The following CTNNBL1 variants were observed in gnomAD, a reference collection of about 807,000 sequenced individuals.
CTNNBL1 encodes the protein catenin beta like 1.
Under a neutral mutation model 72.7 loss-of-function variants are expected in CTNNBL1, and 31 were observed. The ratio of observed to expected loss-of-function variants is 0.43; its 90% CI spans 0.32 to 0.58. The LOEUF is 0.58. Among genes scored for constraint, CTNNBL1 ranks in the 20% least tolerant of loss-of-function variants. The pLI, the probability that CTNNBL1 is intolerant of heterozygous loss-of-function variation, is 0.08. For missense variants in CTNNBL1, 534 were observed against 725.1 expected (o/e 0.74, Z 3.03); for synonymous variants, 240 against 267.3 (o/e 0.90, Z 1.00).
chr20:37,748,209 T>C (rs61378817), intron 4 of CTNNBL1, among the ~76,000 whole-genome samples: 2,488 of 152,352 alleles, frequency 0.016, 63 homozygotes, highest in African/African-American at 0.058. Flanking sequence ...CGTGTCTGAC[T>C]AAGTTCTTGC....
chr20:37,773,444 T>C (rs1214801179), intron 7 of CTNNBL1, among the ~76,000 whole-genome samples: 1 of 152,222 alleles, frequency 6.6e-6, no homozygotes, highest in Admixed American at 6.5e-5. Context: ...TATGCATGAC[T>C]CTATAATTAC....
At chr20:37,823,683 T>G (rs1182364429) in intron 11 of CTNNBL1, among the ~76,000 whole-genome samples, 1 of 152,206 alleles carries the variant, frequency 6.6e-6, no homozygotes, top group African/African-American at 2.4e-5. Context: ...AAAGCAGGCA[T>G]CCAGGGAGGA....
chr20:37,842,928 C>T (rs1443986395), intron 13 of CTNNBL1, among the ~76,000 whole-genome samples: 1 of 152,232 alleles, frequency 6.6e-6, no homozygotes, highest in Admixed American at 6.5e-5. Context: ...AGCCAAACCG[C>T]AGGTTCTGAA....
chr20:37,803,885 G>A (rs2071928626), intron 11 of CTNNBL1, among the ~76,000 whole-genome samples: 1 of 151,968 alleles, frequency 6.6e-6, no homozygotes, highest in South Asian at 2.1e-4. Flanking sequence ...AGTGCTTGGT[G>A]GAATTGGCAT....
intron 13 of CTNNBL1, among the ~76,000 whole-genome samples, chr20:37,848,929 C>T (rs201564015): frequency 1.3e-5 from 2 of 152,202 alleles, no homozygotes; most frequent in East Asian, 1.9e-4. Context: ...TCTGACTTAG[C>T]GAGTCCAAAA....
At chr20:37,830,638 G>A (rs1332408511) in intron 11 of CTNNBL1, among the ~76,000 whole-genome samples, 1 of 152,110 alleles carries the variant, frequency 6.6e-6, no homozygotes, top group South Asian at 2.1e-4. Context: ...GCTCCTCAAC[G>A]TACCATGGGG....
At chr20:37,801,889 A>G (rs2073826452) in intron 10 of CTNNBL1, among the ~76,000 whole-genome samples, 1 of 152,272 alleles carries the variant, frequency 6.6e-6, no homozygotes, top group African/African-American at 2.4e-5. Flanking sequence ...AAGCATCTAT[A>G]TTAGAAAGGA....
At chr20:37,866,176 G>A (rs911432347) in intron 15 of CTNNBL1, among the ~76,000 whole-genome samples, 5 of 152,230 alleles carry the variant, frequency 3.3e-5, no homozygotes, top group Admixed American at 6.5e-5. Flanking sequence ...AGGCTCAGAG[G>A]CATCTTAAGG....
At chr20:37,729,662 G>A (rs1362608923) in intron 1 of CTNNBL1, among the ~76,000 whole-genome samples, 1 of 152,080 alleles carries the variant, frequency 6.6e-6, no homozygotes, top group Non-Finnish European at 1.5e-5. Flanking sequence ...AATCAGAATC[G>A]CAGCAGGGCT....
rs6021033 is a variant in CTNNBL1, at chr20:37,804,863, A to C, written c.1213+1815A>C. Among the ~76,000 whole-genome samples the C allele has an allele frequency of 3.1e-3, 465 of 152,322 alleles. 5 individuals carry two copies. The highest frequency in any genetic ancestry group is 0.01 in the African/African-American group (416 of 41,568). ...GTAACAGTCCATTTGCTTTAGAGTA[A>C]CCGCATTAGGCATGTGATAACATTA... On this transcript the variant is annotated intron_variant, in intron 11 of 15. Transcript: ENST00000361383.
At chr20:37,816,148 T>C (rs1301336022) in intron 11 of CTNNBL1, among the ~76,000 whole-genome samples, 4 of 152,218 alleles carry the variant, frequency 2.6e-5, no homozygotes, top group African/African-American at 9.6e-5. Context: ...GAACATTGTT[T>C]CCAGGTAGCC....
chr20:37,791,936 T>C (rs918107928), intron 10 of CTNNBL1, among the ~76,000 whole-genome samples: 7 of 152,240 alleles, frequency 4.6e-5, no homozygotes, highest in African/African-American at 1.4e-4. Context: ...CTTACAGATA[T>C]TTTCTCCCAG....
intron 1 of CTNNBL1, among the ~76,000 whole-genome samples, chr20:37,710,947 C>T (rs1229452190): frequency 6.6e-6 from 1 of 152,174 alleles, no homozygotes; most frequent in African/African-American, 2.4e-5. Flanking sequence ...CCAACACACA[C>T]ACCAGTTTCT....
intron 6 of CTNNBL1, among the ~76,000 whole-genome samples, chr20:37,765,515 A>G (rs2073459340): frequency 6.6e-6 from 1 of 152,228 alleles, no homozygotes; most frequent in South Asian, 2.1e-4. Context: ...TAAGTAGGTA[A>G]CCTTCCTAAA....
At chr20:37,839,892 G>C (rs1369190621) in intron 11 of CTNNBL1, among the ~76,000 whole-genome samples, 1 of 152,142 alleles carries the variant, frequency 6.6e-6, no homozygotes, top group Non-Finnish European at 1.5e-5. Flanking sequence ...TGTCCTTGAG[G>C]ATCTCATCTC....
At chr20:37,737,633 A>G in intron 3 of CTNNBL1, 149 bp downstream of exon 3, 1 of 594,180 alleles carries the variant, frequency 1.7e-6, no homozygotes, top group Admixed American at 2.9e-5. Flanking sequence ...AAGGACTCCC[A>G]GGACTCAAAG....
intron 6 of CTNNBL1, among the ~76,000 whole-genome samples, chr20:37,766,664 G>C (rs192104168): frequency 1.8e-4 from 27 of 152,162 alleles, no homozygotes; most frequent in African/African-American, 6.3e-4. Flanking sequence ...TGGGAGAAGG[G>C]CCTTCATGAG....
At chr20:37,694,407 G>A (rs2072771087) in intron 1 of CTNNBL1, among the ~76,000 whole-genome samples, 1 of 152,096 alleles carries the variant, frequency 6.6e-6, no homozygotes, top group African/African-American at 2.4e-5. Context: ...AAACTCCTCT[G>A]AAACCCCAGA....
chr20:37,737,894 T>C (rs1294483902), intron 3 of CTNNBL1, among the ~76,000 whole-genome samples: 1 of 152,224 alleles, frequency 6.6e-6, no homozygotes, highest in Non-Finnish European at 1.5e-5. Flanking sequence ...GGACTGGTCA[T>C]GTAGGCATTC....
Sources: allele counts gnomAD v4.1 joint callset (sites outside exome capture counted in the v4.1 genomes callset), GRCh38; gene constraint gnomAD v4.1.1; transcripts MANE v1.5; gene names NCBI Gene and HGNC (gene_info 2026-07-23, HGNC 2026-07-21).